The following ARB2A variants were observed in gnomAD, a reference collection of about 807,000 sequenced individuals.
ARB2A encodes the protein cotranscriptional regulator ARB2A.
the ARB2A span, among the ~76,000 whole-genome samples, chr5:93,977,182 A>C: frequency 1.3e-5 from 2 of 152,190 alleles, no homozygotes; most frequent in East Asian, 1.9e-4. Context: ...TGCCCAAAGC[A>C]ATCTATGGAT....
the ARB2A span, among the ~76,000 whole-genome samples, chr5:93,710,169 G>T: frequency 6.6e-6 from 1 of 152,156 alleles, no homozygotes; most frequent in Non-Finnish European, 1.5e-5. Flanking sequence ...CAGCCCGAGG[G>T]TGTCATCAGA....
At chr5:93,683,181 C>G in the ARB2A span, 7 of 1,246,434 alleles carry the variant, frequency 5.6e-6, no homozygotes, top group African/African-American at 4.5e-5. Flanking sequence ...TCATCAAAAT[C>G]ATCATCATCA....
At chr5:93,773,371 T>C in the ARB2A span, among the ~76,000 whole-genome samples, 1 of 152,206 alleles carries the variant, frequency 6.6e-6, no homozygotes, top group Non-Finnish European at 1.5e-5. Flanking sequence ...ACGTAGTTGC[T>C]ACTACACAAT....
the ARB2A span, among the ~76,000 whole-genome samples, chr5:93,727,279 C>G: frequency 6.6e-6 from 1 of 151,990 alleles, no homozygotes; most frequent in Non-Finnish European, 1.5e-5. Context: ...TGGACAATAA[C>G]AGGGTTAGTA....
At chr5:93,754,978 A>C in the ARB2A span, among the ~76,000 whole-genome samples, 4 of 152,332 alleles carry the variant, frequency 2.6e-5, no homozygotes, top group South Asian at 8.3e-4. Flanking sequence ...GTTCCGTATA[A>C]ACAGAAATAG....
chr5:93,953,736 C>T, the ARB2A span, among the ~76,000 whole-genome samples: 2 of 152,108 alleles, frequency 1.3e-5, no homozygotes, highest in African/African-American at 4.8e-5. Flanking sequence ...TTCCCCTCAG[C>T]CCTGGGCAGC....
the ARB2A span, among the ~76,000 whole-genome samples, chr5:94,038,026 T>C: frequency 1.3e-5 from 2 of 152,104 alleles, no homozygotes; most frequent in Non-Finnish European, 2.9e-5. Context: ...TTGTTGCTAT[T>C]CTCTTTTTAA....
the ARB2A span, among the ~76,000 whole-genome samples, chr5:94,027,523 T>G: frequency 6.6e-6 from 1 of 152,100 alleles, no homozygotes; most frequent in African/African-American, 2.4e-5. Flanking sequence ...GGAGAACTTC[T>G]GAATAGTTAA....
chr5:93,810,384 C>G, the ARB2A span, among the ~76,000 whole-genome samples: 1 of 151,702 alleles, frequency 6.6e-6, no homozygotes, highest in African/African-American at 2.4e-5. Flanking sequence ...TTGTACAATG[C>G]CTTGCTAAAT....
At chr5:93,662,619 A>C in the ARB2A span, among the ~76,000 whole-genome samples, 1 of 152,202 alleles carries the variant, frequency 6.6e-6, no homozygotes, top group African/African-American at 2.4e-5. Context: ...CCAATGTACA[A>C]ACAGAATTAT....
At chr5:93,971,333 C>T in the ARB2A span, among the ~76,000 whole-genome samples, 3 of 151,800 alleles carry the variant, frequency 2.0e-5, no homozygotes, top group Non-Finnish European at 2.9e-5. Context: ...TTTGGGAGGC[C>T]GAGGCAGGTG....
the ARB2A span, among the ~76,000 whole-genome samples, chr5:93,627,396 A>G: frequency 6.6e-6 from 1 of 151,830 alleles, no homozygotes; most frequent in Non-Finnish European, 1.5e-5. Context: ...CAGATCCATC[A>G]GAGGAATCAC....
At chr5:93,906,955 G>GT in the ARB2A span, among the ~76,000 whole-genome samples, 1 of 151,428 alleles carries the variant, frequency 6.6e-6, no homozygotes. Flanking sequence ...TTAGCAAATA[G>GT]TAACACTTTA....
the ARB2A span, among the ~76,000 whole-genome samples, chr5:93,851,311 A>G: frequency 6.6e-6 from 1 of 152,214 alleles, no homozygotes; most frequent in African/African-American, 2.4e-5. Flanking sequence ...TGTATTTTAC[A>G]GAGGAAAAAA....
chr5:93,722,951 A>G, the ARB2A span, among the ~76,000 whole-genome samples: 2 of 152,188 alleles, frequency 1.3e-5, no homozygotes, highest in Admixed American at 1.3e-4. Flanking sequence ...ATCATATTCT[A>G]TAATGCAGTA....
the ARB2A span, among the ~76,000 whole-genome samples, chr5:93,642,037 C>T: frequency 4.6e-5 from 7 of 152,082 alleles, no homozygotes; most frequent in African/African-American, 1.7e-4. Flanking sequence ...GGCTGGATTG[C>T]AGTGGAGATC....
the ARB2A span, among the ~76,000 whole-genome samples, chr5:93,844,446 G>GA: frequency 0.026 from 3,769 of 145,776 alleles, 70 homozygotes; most frequent in Non-Finnish European, 0.042. Context: ...CATCTCAAAA[G>GA]AAAAAAAAAA....
chr5:93,653,001 T>C, the ARB2A span, among the ~76,000 whole-genome samples: 5 of 152,212 alleles, frequency 3.3e-5, no homozygotes, highest in African/African-American at 1.2e-4. Flanking sequence ...CTATCGGCTT[T>C]AACCCTGTGC....
chr5:93,915,116 G>C, the ARB2A span, among the ~76,000 whole-genome samples: 1 of 151,898 alleles, frequency 6.6e-6, no homozygotes, highest in Non-Finnish European at 1.5e-5. Flanking sequence ...TACAGAATTA[G>C]TAACTTTCTA....
Sources: gnomAD v4.1 joint callset for allele counts (sites outside exome capture counted in the v4.1 genomes callset) on GRCh38, gnomAD v4.1.1 for gene constraint, MANE v1.5 for transcripts, NCBI Gene and HGNC (gene_info 2026-07-23, HGNC 2026-07-21) for gene names.